Variants in PRDM15 observed in about 807,000 individuals in gnomAD.
The protein encoded by PRDM15 is PR/SET domain 15.
Under a neutral mutation model 128.6 loss-of-function variants are expected in PRDM15, and 64 were observed. The ratio of observed to expected loss-of-function variants is 0.50; its 90% CI spans 0.41 to 0.61. PRDM15 has a LOEUF of 0.61. Among genes scored for constraint, PRDM15 ranks in the 20% least tolerant of loss-of-function variants. The probability of loss-of-function intolerance (pLI) is 0.00; values close to 1 mark genes in which losing one functional copy is unlikely to be tolerated. For missense variants in PRDM15, 1,242 were observed against 1,569.1 expected, an observed-to-expected ratio of 0.79 and a Z score of 3.52; for synonymous variants, 615 against 621.8, an observed-to-expected ratio of 0.99 and a Z score of 0.16.
At chr21:41,809,234 C>CTTTT (rs71332340) in intron 21 of PRDM15, among the ~76,000 whole-genome samples, 3 of 135,722 alleles carry the variant, frequency 2.2e-5, no homozygotes, top group Non-Finnish European at 4.7e-5. Flanking sequence ...CAAATTTTTT[C>CTTTT]TTTTTTTTTT....
At chr21:41,819,996 C>A in intron 17 of PRDM15, 99 bp downstream of exon 17, 1 of 1,030,172 alleles carries the variant, frequency 9.7e-7, no homozygotes, top group Non-Finnish European at 1.5e-6. Context: ...AGGCAAGGTG[C>A]GACGGCTCTG....
intron 1 of PRDM15, among the ~76,000 whole-genome samples, chr21:41,867,127 G>A (rs1360845688): frequency 6.8e-6 from 1 of 147,122 alleles, no homozygotes; most frequent in Non-Finnish European, 1.5e-5. Flanking sequence ...GACACCCTCA[G>A]CCCAGAAAGC....
At chr21:41,835,845 T>TCTCAGGGACGCTTGGA in intron 10 of PRDM15, among the ~76,000 whole-genome samples, 1 of 151,156 alleles carries the variant, frequency 6.6e-6, no homozygotes, top group African/African-American at 2.5e-5. Context: ...CCCACAGCCT[T>TCTCAGGGACGCTTGGA]CACCCGCTCT....
chr21:41,810,367 G>T lies in PRDM15; in HGVS notation c.2477-38C>A. 6.3e-7 allele frequency: 1 copy of T among 1,589,022 alleles called. No homozygotes were observed. The highest frequency in any genetic ancestry group is 8.6e-7 in the Non-Finnish European group (1 of 1,164,378). ...ACGCAGACACACATGCGCGTGGAAA[G>T]GAAGAGACACGCAGGTCACTAGTGC... On this transcript the variant is annotated intron_variant, in intron 20 of 23. Transcript: ENST00000398548. The surrounding 1 kb of genome is among the most constrained non-coding windows in gnomAD (Gnocchi z 6.4).
At chr21:41,830,646 A>C (rs2146509258) in intron 11 of PRDM15, among the ~76,000 whole-genome samples, 1 of 151,884 alleles carries the variant, frequency 6.6e-6, no homozygotes, top group South Asian at 2.1e-4. Flanking sequence ...CAACACACAC[A>C]CCACACAAAT....
At chr21:41,820,040 C>A (rs2062198326) in intron 17 of PRDM15, 55 bp downstream of exon 17, 3 of 1,477,800 alleles carry the variant, frequency 2.0e-6, no homozygotes, top group Admixed American at 1.7e-5. Context: ...CAGCATCCCT[C>A]CCTGCCAGCC....
rs544084873 is a variant in PRDM15, at chr21:41,857,493, C to T, written c.132-164G>A. Among the ~76,000 whole-genome samples, 10 of 152,310 alleles carry T rather than the reference C, an allele frequency of 6.6e-5. No homozygotes were observed. In the East Asian group the frequency reaches 7.7e-4, roughly 12 times the overall value. On this transcript the variant is annotated intron_variant, in intron 3 of 23. Coordinates refer to ENST00000398548, the MANE Select transcript of PRDM15 (RefSeq NM_001040424.3). ...CTTCCAGGCCAGGCTTGGTGGCTCA[C>T]GCCTGTAATCCCAGCATGCACTTTG... is the stretch of plus-strand genomic sequence containing the variant.
intron 6 of PRDM15, among the ~76,000 whole-genome samples, chr21:41,846,689 C>T (rs908638956): frequency 6.6e-6 from 1 of 152,170 alleles, no homozygotes; most frequent in Non-Finnish European, 1.5e-5. Flanking sequence ...AGAGCCAGAC[C>T]TTGTCTCAAA....
Position 41,862,031 on chromosome 21 carries a change from A to G in PRDM15, c.-9-1659T>C, listed in dbSNP as rs1338958896. On this transcript the variant is annotated intron_variant, in intron 1 of 23. Transcript: ENST00000398548. This position sits in a 1 kb window ranked among gnomAD's most constrained non-coding sequence, Gnocchi z 4.1. ...TCCTGTGGATGGGCACCTCGGCGCA[A>G]ATAGGGACCAGTCTGGGATGGGGGC... 2.5e-6 allele frequency: 4 copies of G among 1,573,458 alleles called. No individual in the cohort carries two copies. The highest frequency in any genetic ancestry group is 3.5e-6 in the Non-Finnish European group (4 of 1,146,958).
intron 11 of PRDM15, among the ~76,000 whole-genome samples, chr21:41,835,126 T>C (rs73359687): frequency 0.044 from 6,645 of 152,242 alleles, 486 homozygotes; most frequent in African/African-American, 0.15. Flanking sequence ...CTAGAAAACA[T>C]TGGACACTGC....
intron 11 of PRDM15, among the ~76,000 whole-genome samples, chr21:41,830,446 T>C (rs2062647381): frequency 2.0e-5 from 3 of 148,060 alleles, no homozygotes; most frequent in Non-Finnish European, 4.5e-5. Context: ...AAATACACAC[T>C]GAACACATAC....
chr21:41,834,200 C>T lies in PRDM15; in HGVS notation c.1366+1237G>A, dbSNP rs944726072. On this transcript the variant is annotated intron_variant, in intron 11 of 23. Transcript: ENST00000398548. Reference sequence around the variant, plus strand: ...CATGACTCATTCCTGCCCCTCAGAACAGTCCAACCCCAGGAAGAAGGCATC... The same window carrying T: ...CATGACTCATTCCTGCCCCTCAGAATAGTCCAACCCCAGGAAGAAGGCATC... Among the ~76,000 whole-genome samples, 4 of 151,398 alleles carry T rather than the reference C, an allele frequency of 2.6e-5. No homozygotes were observed. The South Asian group carries it at 6.3e-4, about 24-fold the overall frequency.
intron 1 of PRDM15, among the ~76,000 whole-genome samples, chr21:41,874,161 A>T (rs2064316410): frequency 6.8e-6 from 1 of 146,852 alleles, no homozygotes; most frequent in East Asian, 2.0e-4. Context: ...TGCTTAATTT[A>T]AAAAAAAAAG....
rs2061874946 is a variant in PRDM15, at chr21:41,811,872, G to A, written c.2393-1036C>T. 1 of 152,116 alleles carries A rather than the reference G, an allele frequency of 6.6e-6. No individual in the cohort carries two copies. The highest frequency in any genetic ancestry group is 6.5e-5 in the Admixed American group (1 of 15,276). 9.4% of individuals were successfully genotyped at this position (152,116 alleles called of 1,614,324 possible). On this transcript the variant is annotated intron_variant, in intron 19 of 23. Coordinates refer to ENST00000398548, the MANE Select transcript of PRDM15 (RefSeq NM_001040424.3). This position sits in a 1 kb window ranked among gnomAD's most constrained non-coding sequence, Gnocchi z 4.1. ...GCTAATTTTTTGTATTTTTAGTAGA[G>A]ACGGGCTTTCACCGTGGTCTCGATC...
intron 6 of PRDM15, among the ~76,000 whole-genome samples, chr21:41,844,947 T>C (rs1401293490): frequency 5.5e-3 from 17 of 3,084 alleles, no homozygotes; most frequent in Admixed American, 8.5e-3. Flanking sequence ...ACACAGCCCC[T>C]CCCCCCTCAC....
At chr21:41,825,859 A>T (rs1356927647) in intron 13 of PRDM15, 101 bp downstream of exon 13, 10 of 945,654 alleles carry the variant, frequency 1.1e-5, no homozygotes, top group African/African-American at 1.6e-5. Context: ...TTACCCCCCA[A>T]ATCTTCCCTG....
intron 11 of PRDM15, among the ~76,000 whole-genome samples, chr21:41,830,306 ACAACACATACT>A (rs1352541116): frequency 6.6e-6 from 1 of 151,202 alleles, no homozygotes; most frequent in Non-Finnish European, 1.5e-5. Flanking sequence ...CATGCCCCAC[ACAACACATACT>A]CAACACATAC....
intron 14 of PRDM15, among the ~76,000 whole-genome samples, chr21:41,822,555 A>G (rs28452131): frequency 1.3e-5 from 2 of 152,144 alleles, no homozygotes; most frequent in East Asian, 1.9e-4. Flanking sequence ...GGTGAGGCCA[A>G]TGCAGTCACA....
At position 41,878,837 on chromosome 21, in the gene PRDM15, C is replaced by T; in HGVS notation, c.-10+433G>A. 2 of 923,374 alleles carry T rather than the reference C, an allele frequency of 2.2e-6. No homozygotes were observed. The highest frequency in any genetic ancestry group is 2.5e-6 in the Non-Finnish European group (2 of 815,712). The allele number at this position is 923,374 out of a possible 1,614,324, so 57.2% of individuals were successfully genotyped here. ...CCGCCCGGCGGCGGGGGCCGCGGGG[C>T]CGCGGGCCGGGGCGGCGAAGACCCT... On this transcript the variant is annotated intron_variant, in intron 1 of 23. Transcript: ENST00000398548.
Sources: allele counts gnomAD v4.1 joint callset (sites outside exome capture counted in the v4.1 genomes callset), GRCh38; gene constraint gnomAD v4.1.1; non-coding constraint Gnocchi (gnomAD v3.1); transcripts MANE v1.5; gene names NCBI Gene and HGNC (gene_info 2026-07-23, HGNC 2026-07-21).